Variants in PHACTR3 observed in about 807,000 individuals in gnomAD.
The protein encoded by PHACTR3 is protein phosphatase 1, regulatory subunit 123.
Under a neutral mutation model 66.8 loss-of-function variants are expected in PHACTR3, and 16 were observed. The observed-to-expected ratio is 0.24, with a 90% CI of 0.16 to 0.36. PHACTR3 has a LOEUF of 0.36. Among genes scored for constraint, PHACTR3 ranks in the 10% least tolerant of loss-of-function variants. The pLI, the probability that PHACTR3 is intolerant of heterozygous loss-of-function variation, is 1.00. For synonymous variants in PHACTR3, 323 were observed against 292.1 expected (o/e 1.11, Z -1.08); for missense variants, 647 against 719.9 (o/e 0.90, Z 1.16).
intron 8 of PHACTR3, among the ~76,000 whole-genome samples, chr20:59,823,170 T>A (rs540303974): frequency 1.2e-4 from 19 of 152,324 alleles, no homozygotes; most frequent in African/African-American, 4.3e-4. Context: ...GGGACTTATA[T>A]ACATGGTAAA....
chr20:59,799,076 A>G (rs1039616923), intron 7 of PHACTR3, among the ~76,000 whole-genome samples: 2 of 152,084 alleles, frequency 1.3e-5, no homozygotes, highest in African/African-American at 2.4e-5. Flanking sequence ...GTTTCCAAAT[A>G]TGTGGGTTTT....
At chr20:59,714,754 G>T (rs184999831) in intron 1 of PHACTR3, among the ~76,000 whole-genome samples, 1 of 152,292 alleles carries the variant, frequency 6.6e-6, no homozygotes, top group African/African-American at 2.4e-5. Flanking sequence ...CATTGAACTT[G>T]TGGGTCAATT....
At chr20:59,666,712 CAGAG>C (rs1476525418) in intron 1 of PHACTR3, among the ~76,000 whole-genome samples, 3 of 151,878 alleles carry the variant, frequency 2.0e-5, no homozygotes, top group African/African-American at 7.3e-5. Context: ...TTTAGAGAGA[CAGAG>C]AGAGGGAGAG....
chr20:59,767,423 T>C, intron 5 of PHACTR3, 28 bp downstream of exon 5: 1 of 1,602,134 alleles, frequency 6.2e-7, no homozygotes, highest in South Asian at 1.1e-5. Context: ...CTGCCCATTC[T>C]ATTTCCTTTC....
chr20:59,743,183 C>T lies in PHACTR3; in HGVS notation c.195C>T (p.Asn65=), dbSNP rs780758860. 1 of 1,614,042 alleles carries T rather than the reference C, an allele frequency of 6.2e-7. No homozygotes were observed. Reference sequence around the variant, plus strand: ...TTCGAACTCCCCCTGTGAGGAGGAACAGCAAACTGGCCACCCTGGGCAGGA... The same window carrying T: ...TTCGAACTCCCCCTGTGAGGAGGAATAGCAAACTGGCCACCCTGGGCAGGA... ...SGIRTPPVRR[N]SKLATLGRIF... is the part of the protein sequence containing the mutation. Residue 65 remains asparagine (N), a synonymous_variant, in exon 2 of 13, where the codon AAC becomes AAT. Coordinates refer to ENST00000371015, the MANE Select transcript of PHACTR3 (RefSeq NM_080672.5).
chr20:59,670,609 G>GGGA (rs2036160748), intron 1 of PHACTR3, among the ~76,000 whole-genome samples: 1 of 136,692 alleles, frequency 7.3e-6, no homozygotes, highest in Non-Finnish European at 1.6e-5. Flanking sequence ...CGGGGGTGGG[G>GGGA]GGGGGGGGCA....
intron 1 of PHACTR3, among the ~76,000 whole-genome samples, chr20:59,584,226 G>A (rs567983078): frequency 4.7e-5 from 7 of 150,086 alleles, no homozygotes; most frequent in South Asian, 4.2e-4. Flanking sequence ...ACATGAGTGC[G>A]TGTGCCTGTG....
At chr20:59,635,514 A>C (rs1333505692) in intron 1 of PHACTR3, among the ~76,000 whole-genome samples, 1 of 151,986 alleles carries the variant, frequency 6.6e-6, no homozygotes, top group African/African-American at 2.4e-5. Context: ...GATTACAGGC[A>C]TGTGCCATCG....
rs1278117222 is a variant in PHACTR3 at position 59,755,235 on chromosome 20, G to A, written c.412G>A (p.Glu138Lys). ...PDGGPRSVQS[E>K]PPTPKSETLT... ...TGGAGGACCCCGATCTGTACAGAGT[G>A]AACCACCCACTCCCAAGTCGGAGAC... The change falls in exon 4 of 13, where the codon GAA (glutamate) becomes AAA (lysine). Residue 138 changes from glutamate (E) to lysine (K), a missense_variant. Physicochemically the swap from Glu to Lys is moderately conservative, Grantham distance 56. Transcript: ENST00000371015. 1 of 1,613,926 alleles carries A rather than the reference G, an allele frequency of 6.2e-7. No individual in the cohort carries two copies. The highest frequency in any genetic ancestry group is 2.2e-5 in the East Asian group (1 of 44,878).
chr20:59,631,233 C>T (rs1270468225), intron 1 of PHACTR3, among the ~76,000 whole-genome samples: 3 of 152,168 alleles, frequency 2.0e-5, no homozygotes, highest in Non-Finnish European at 4.4e-5. Context: ...AAGTCTGGTC[C>T]GGTGCCTCTG....
rs189580737 is a variant in PHACTR3, at chr20:59,582,334, G to A, written c.109+4717G>A. ...TTTAGAATATTCCATGGCTGTTTTC[G>A]CCTTTCTGCTACCGATGGCCATGGA... On this transcript the variant is annotated intron_variant, in intron 1 of 12. Transcript: ENST00000359926. Among the ~76,000 whole-genome samples, 60 of 152,254 alleles carry A rather than the reference G, an allele frequency of 3.9e-4. 2 individuals carry two copies. The South Asian group carries it at 0.012, about 30-fold the overall frequency.
chr20:59,687,163 G>A (rs1316114303), intron 1 of PHACTR3, among the ~76,000 whole-genome samples: 2 of 150,770 alleles, frequency 1.3e-5, no homozygotes, highest in African/African-American at 4.8e-5. Flanking sequence ...GATGGTGATT[G>A]TGATGGTGGT....
intron 1 of PHACTR3, among the ~76,000 whole-genome samples, chr20:59,585,636 T>C (rs1036587503): frequency 1.3e-5 from 2 of 152,154 alleles, no homozygotes; most frequent in Non-Finnish European, 2.9e-5. Flanking sequence ...GGGCATGCAC[T>C]CCGTGCCTGG....
At chr20:59,759,998 G>A (rs1049839127) in intron 4 of PHACTR3, among the ~76,000 whole-genome samples, 2 of 152,168 alleles carry the variant, frequency 1.3e-5, no homozygotes, top group Admixed American at 6.5e-5. Context: ...CTGCAGTGGT[G>A]CTCATTGCTG....
chr20:59,781,845 G>A (rs1308605782), intron 7 of PHACTR3, among the ~76,000 whole-genome samples: 1 of 152,172 alleles, frequency 6.6e-6, no homozygotes, highest in Admixed American at 6.5e-5. Flanking sequence ...TCTAGTGCTG[G>A]TGCAGGAGTG....
Position 59,736,516 on chromosome 20 carries a change from G to T in PHACTR3, c.119-6591G>T, listed in dbSNP as rs538994312. 5.1e-5 allele frequency among the ~76,000 whole-genome samples: 7 copies of T among 137,964 alleles called. No homozygotes were observed. Among genetic ancestry groups the T allele is most frequent in the Non-Finnish European group, 1.1e-4 (7 of 64,906 alleles). 90.5% of individuals were successfully genotyped at this position (137,964 alleles called of 152,430 possible). On this transcript the variant is annotated intron_variant, in intron 1 of 12. Coordinates refer to ENST00000371015, the MANE Select transcript of PHACTR3 (RefSeq NM_080672.5). This position sits in a 1 kb window ranked among gnomAD's most constrained non-coding sequence, Gnocchi z 4.6. ...ACCCACGCCCATGCACACTGGCTCCGCAGGTGCTCACCCGCCCACCCGTGT... is the reference window on the plus strand; with the variant it reads ...ACCCACGCCCATGCACACTGGCTCCTCAGGTGCTCACCCGCCCACCCGTGT...
chr20:59,839,317 C>T (rs760237982), intron 9 of PHACTR3, among the ~76,000 whole-genome samples: 19 of 152,124 alleles, frequency 1.2e-4, no homozygotes, highest in Non-Finnish European at 2.4e-4. Context: ...TCCAAGATGA[C>T]TCACTTAAAA....
chr20:59,718,722 G>T (rs1407025), intron 1 of PHACTR3, among the ~76,000 whole-genome samples: 1 of 152,014 alleles, frequency 6.6e-6, no homozygotes, highest in Admixed American at 6.5e-5. Context: ...GTTTTAAATG[G>T]TTCAATCTAA....
At chr20:59,689,390 G>A (rs1321722254) in intron 1 of PHACTR3, among the ~76,000 whole-genome samples, 1 of 152,252 alleles carries the variant, frequency 6.6e-6, no homozygotes, top group African/African-American at 2.4e-5. Flanking sequence ...TGTAGAGTGA[G>A]ACAGAAATGG....
Sources: gnomAD v4.1 joint callset for allele counts (sites outside exome capture counted in the v4.1 genomes callset) on GRCh38, gnomAD v4.1.1 for gene constraint, Gnocchi (gnomAD v3.1) non-coding constraint, MANE v1.5 for transcripts, NCBI Gene and HGNC (gene_info 2026-07-23, HGNC 2026-07-21) for gene names.